The following RBFOX1 variants were observed in gnomAD, a reference collection of about 807,000 sequenced individuals.
RBFOX1 encodes the protein RNA binding protein fox-1 homolog 1.
In RBFOX1, 8 loss-of-function variants were observed where a neutral mutation model predicts 57.7. That is an observed-to-expected ratio of 0.14 (90% CI 0.08 to 0.25). The LOEUF is 0.25. Ranked by LOEUF, RBFOX1 falls within the 10% of genes least tolerant of loss-of-function variation. The probability of loss-of-function intolerance (pLI) is 1.00; values close to 1 mark genes in which losing one functional copy is unlikely to be tolerated. For synonymous variants in RBFOX1, 326 were observed against 222.4 expected, an observed-to-expected ratio of 1.47 and a Z score of -4.15; for missense variants, 611 against 548.5, an observed-to-expected ratio of 1.11 and a Z score of -1.14.
At chr16:7,212,053 G>A (rs544598963) in intron 4 of RBFOX1, among the ~76,000 whole-genome samples, 31 of 152,090 alleles carry the variant, frequency 2.0e-4, no homozygotes, top group African/African-American at 7.5e-4. Context: ...GGCCAAGAAG[G>A]TTCCTAACAA....
At chr16:5,915,677 C>T (rs986546073) in intron 4 of RBFOX1, among the ~76,000 whole-genome samples, 1 of 151,954 alleles carries the variant, frequency 6.6e-6, no homozygotes, top group East Asian at 1.9e-4. Flanking sequence ...ACTAAAAATA[C>T]AAAAATTAGC....
chr16:7,157,697 TC>T (rs1237051762), intron 4 of RBFOX1, among the ~76,000 whole-genome samples: 1 of 152,120 alleles, frequency 6.6e-6, no homozygotes, highest in African/African-American at 2.4e-5. Context: ...CTACATGCAG[TC>T]CCACGCATCA....
rs76898449 is a variant in RBFOX1 at position 6,166,703 on chromosome 16, A to G, written c.-127+146711A>G. The stretch of plus-strand genomic sequence containing the variant: ...TGTATCATAAGCCCACTTTCACACC[A>G]GTTACCTCTTTGGTGGGAGTGGGTT... On this transcript the variant is annotated intron_variant, in intron 1 of 15. Transcript: ENST00000550418. 1.0e-2 allele frequency among the ~76,000 whole-genome samples: 1,521 copies of G among 152,112 alleles called. 21 individuals are homozygous for G. Among genetic ancestry groups the G allele is most frequent in the African/African-American group, 0.035 (1,436 of 41,492 alleles).
chr16:7,578,666 C>G (rs972266914), intron 5 of RBFOX1, among the ~76,000 whole-genome samples: 2 of 151,934 alleles, frequency 1.3e-5, no homozygotes, highest in Non-Finnish European at 2.9e-5. Flanking sequence ...CAGGATGATT[C>G]CTCACTCATA....
rs555405811 is a variant in RBFOX1 at position 7,353,344 on chromosome 16, A to G, written c.28-164803A>G. On this transcript the variant is annotated intron_variant, in intron 4 of 15. Coordinates refer to ENST00000550418, the MANE Select transcript of RBFOX1 (RefSeq NM_018723.4). ...TCAGCAAAGATGCGGAGAAATTGGA[A>G]TGCACATACATTGCTGGCAGGAATG... is the stretch of plus-strand genomic sequence containing the variant. Among the ~76,000 whole-genome samples, 7 of 152,334 alleles carry G rather than the reference A, an allele frequency of 4.6e-5. No individual in the cohort carries two copies. In the South Asian group the frequency reaches 1.2e-3, roughly 27 times the overall value.
At chr16:7,704,466 C>A (rs1488429899) in intron 14 of RBFOX1, among the ~76,000 whole-genome samples, 5 of 152,164 alleles carry the variant, frequency 3.3e-5, no homozygotes, top group African/African-American at 9.7e-5. Context: ...GAGCAGCTGA[C>A]CCAGAGTCTT....
At chr16:7,055,308 A>C (rs769890869) in intron 4 of RBFOX1, among the ~76,000 whole-genome samples, 5 of 152,154 alleles carry the variant, frequency 3.3e-5, no homozygotes, top group Admixed American at 1.3e-4. Flanking sequence ...TTAAGATGCT[A>C]TTATCTGTGA....
chr16:6,924,770 T>G (rs1277698892), intron 3 of RBFOX1, among the ~76,000 whole-genome samples: 1 of 151,730 alleles, frequency 6.6e-6, no homozygotes, highest in Admixed American at 6.6e-5. Flanking sequence ...CATGTTGGTG[T>G]GCTGCACCCA....
At chr16:5,463,011 A>G (rs1324461741) in intron 1 of RBFOX1, among the ~76,000 whole-genome samples, 1 of 152,248 alleles carries the variant, frequency 6.6e-6, no homozygotes, top group Non-Finnish European at 1.5e-5. Context: ...GCAGATCAAC[A>G]TCTAATCCTT....
At chr16:7,643,580 C>T (rs1364288233) in intron 11 of RBFOX1, among the ~76,000 whole-genome samples, 2 of 152,146 alleles carry the variant, frequency 1.3e-5, no homozygotes, top group Non-Finnish European at 2.9e-5. Context: ...GGTTTGTGTT[C>T]ATCTGCAGCC....
intron 3 of RBFOX1, among the ~76,000 whole-genome samples, chr16:6,872,205 C>G (rs1190497115): frequency 6.6e-6 from 1 of 152,114 alleles, no homozygotes; most frequent in Non-Finnish European, 1.5e-5. Flanking sequence ...TGCTCAGCAC[C>G]TAGCATGGAG....
chr16:5,667,352 C>T (rs962153707), intron 3 of RBFOX1, among the ~76,000 whole-genome samples: 1 of 152,194 alleles, frequency 6.6e-6, no homozygotes, highest in African/African-American at 2.4e-5. Flanking sequence ...TTGGCTGTGT[C>T]CTGTCACGTT....
intron 4 of RBFOX1, among the ~76,000 whole-genome samples, chr16:7,482,468 C>T (rs1262435364): frequency 7.9e-6 from 1 of 126,426 alleles, no homozygotes; most frequent in Non-Finnish European, 1.6e-5. Flanking sequence ...CATTTCATCC[C>T]AGTTGTTGTT....
intron 4 of RBFOX1, among the ~76,000 whole-genome samples, chr16:5,897,019 T>TTTTTTTTTTTTTTTTTTTTTTTTG (rs2058182799): frequency 2.0e-4 from 1 of 4,936 alleles, no homozygotes; most frequent in Non-Finnish European, 4.4e-4. Context: ...CCATCCGCTT[T>TTTTTTTTTTTTTTTTTTTTTTTTG]TTTTTTTTTT....
intron 1 of RBFOX1, among the ~76,000 whole-genome samples, chr16:5,379,760 C>G (rs1011905240): frequency 4.6e-5 from 7 of 152,208 alleles, no homozygotes; most frequent in Non-Finnish European, 1.0e-4. Flanking sequence ...TCTGAACAAC[C>G]AGCTTGGTTC....
Position 5,689,603 on chromosome 16 carries a change from A to G in RBFOX1, c.318+90642A>G, listed in dbSNP as rs114519492. ...GAATATTTCTCTTTGTCCTCTGCAGAGACTGGAGACCTATCAGGACAAAGC... is the reference window on the plus strand; with the variant it reads ...GAATATTTCTCTTTGTCCTCTGCAGGGACTGGAGACCTATCAGGACAAAGC... On this transcript the variant is annotated intron_variant, in intron 3 of 19. Transcript: ENST00000641259. Among the ~76,000 whole-genome samples the G allele has an allele frequency of 5.2e-3, 796 of 152,300 alleles. 5 individuals carry two copies. The highest frequency in any genetic ancestry group is 0.018 in the African/African-American group (767 of 41,564).
At chr16:7,047,221 C>T (rs966134859) in intron 3 of RBFOX1, among the ~76,000 whole-genome samples, 2 of 151,950 alleles carry the variant, frequency 1.3e-5, no homozygotes, top group Non-Finnish European at 2.9e-5. Context: ...CTTCCTATAG[C>T]GATTATTTTA....
intron 3 of RBFOX1, among the ~76,000 whole-genome samples, chr16:6,898,426 C>G (rs1245570015): frequency 6.6e-6 from 1 of 152,164 alleles, no homozygotes; most frequent in African/African-American, 2.4e-5. Flanking sequence ...TGTTATGTGG[C>G]TGTGGTAGTA....
chr16:6,797,733 C>T (rs536195624), intron 3 of RBFOX1, among the ~76,000 whole-genome samples: 1 of 152,098 alleles, frequency 6.6e-6, no homozygotes, highest in African/African-American at 2.4e-5. Flanking sequence ...TTCCAAACCA[C>T]GTTGGCTCTT....
Sources: allele counts gnomAD v4.1 joint callset (sites outside exome capture counted in the v4.1 genomes callset), GRCh38; gene constraint gnomAD v4.1.1; transcripts MANE v1.5; gene names NCBI Gene and HGNC (gene_info 2026-07-23, HGNC 2026-07-21).